The following PEAK1 variants were observed in gnomAD, a reference collection of about 807,000 sequenced individuals.
PEAK1 encodes the protein pseudopodium enriched atypical kinase 1.
PEAK1 carries 54 observed loss-of-function variants against 124.7 expected under a neutral mutation model. The observed-to-expected ratio is 0.43, with a 90% CI of 0.35 to 0.54. The LOEUF is 0.54. PEAK1 is among the 20% of genes least tolerant of loss of function. The pLI is 0.01. For missense variants in PEAK1, 2,046 were observed against 2,134.5 expected (o/e 0.96, Z 0.82); for synonymous variants, 719 against 760.0 (o/e 0.95, Z 0.89).
intron 5 of PEAK1, among the ~76,000 whole-genome samples, chr15:77,256,127 G>T (rs1031476479): frequency 3.9e-5 from 6 of 152,046 alleles, no homozygotes; most frequent in African/African-American, 1.4e-4. Flanking sequence ...TCAGGATAAA[G>T]AACTATGTAC....
intron 2 of PEAK1, among the ~76,000 whole-genome samples, chr15:77,314,274 G>GA (rs1163459111): frequency 2.0e-5 from 3 of 150,354 alleles, no homozygotes; most frequent in African/African-American, 7.3e-5. Flanking sequence ...CTGTTCCAAT[G>GA]AAAAAAGTAA....
At chr15:77,260,849 T>C (rs2061403350) in intron 5 of PEAK1, among the ~76,000 whole-genome samples, 1 of 152,148 alleles carries the variant, frequency 6.6e-6, no homozygotes, top group South Asian at 2.1e-4. Context: ...GACGCCCAAG[T>C]AGCCTAACTG....
chr15:77,216,119 T>C (rs1036220319), intron 6 of PEAK1, among the ~76,000 whole-genome samples: 4 of 152,190 alleles, frequency 2.6e-5, no homozygotes, highest in African/African-American at 7.2e-5. Context: ...AGTAAATTTA[T>C]GTCTATTTGA....
At chr15:77,320,265 T>A (rs1289022038) in intron 2 of PEAK1, among the ~76,000 whole-genome samples, 2 of 152,110 alleles carry the variant, frequency 1.3e-5, no homozygotes, top group East Asian at 3.8e-4. Context: ...AATTCAATAA[T>A]AAAATGTCTA....
At chr15:77,296,037 G>T (rs2063469080) in intron 2 of PEAK1, among the ~76,000 whole-genome samples, 1 of 152,182 alleles carries the variant, frequency 6.6e-6, no homozygotes, top group South Asian at 2.1e-4. Flanking sequence ...TAACTTTGTA[G>T]ATGGAAAAGG....
rs180870813 is a variant in PEAK1, at chr15:77,219,847, A to G, written c.-115+32520T>C. 2.6e-5 allele frequency among the ~76,000 whole-genome samples: 4 copies of G among 152,282 alleles called. No individual in the cohort carries two copies. The East Asian group carries it at 7.7e-4, about 29-fold the overall frequency. On this transcript the variant is annotated intron_variant, in intron 6 of 9. Transcript: ENST00000682557. ...ACACTTTTTAACTAATTGAGACTCTAAATTCATTGGTTCTACTATAATTTT... is the reference window on the plus strand; with the variant it reads ...ACACTTTTTAACTAATTGAGACTCTGAATTCATTGGTTCTACTATAATTTT...
intron 1 of PEAK1, among the ~76,000 whole-genome samples, chr15:77,375,524 T>C (rs2068938303): frequency 6.6e-6 from 1 of 152,324 alleles, no homozygotes; most frequent in Non-Finnish European, 1.5e-5. Context: ...GAAAACAATA[T>C]AATTTAGTAA....
chr15:77,223,695 C>G (rs2059495683), intron 6 of PEAK1, among the ~76,000 whole-genome samples: 1 of 151,956 alleles, frequency 6.6e-6, no homozygotes, highest in Non-Finnish European at 1.5e-5. Flanking sequence ...AGAGAGAATA[C>G]TTAATTAAAT....
intron 1 of PEAK1, among the ~76,000 whole-genome samples, chr15:77,419,764 G>T (rs1312358661): frequency 6.7e-6 from 1 of 149,056 alleles, no homozygotes; most frequent in African/African-American, 2.4e-5. Flanking sequence ...GCGGCAGGGG[G>T]CGCGCGGCAC....
intron 1 of PEAK1, chr15:77,417,241 A>G: frequency 3.4e-6 from 2 of 594,842 alleles, no homozygotes; most frequent in Non-Finnish European, 4.2e-6. Flanking sequence ...GGAATCTCAT[A>G]TTCTATAATA....
chr15:77,326,546 C>G (rs2065587793), intron 2 of PEAK1, among the ~76,000 whole-genome samples: 1 of 152,118 alleles, frequency 6.6e-6, no homozygotes, highest in African/African-American at 2.4e-5. Flanking sequence ...TCTGCACTTT[C>G]CATCTGATGA....
rs116324212 is a variant in PEAK1 at position 77,159,915 on chromosome 15, C to T, written c.3138-1219G>A. ...GCTGGATATACAACTTCAAAAATAT[C>T]CTTTCAAAGTTGGCAGAGCCAGAGG... On this transcript the variant is annotated intron_variant, in intron 7 of 9. Coordinates refer to ENST00000682557, the MANE Select transcript of PEAK1 (RefSeq NM_001385026.1). 4.7e-3 allele frequency among the ~76,000 whole-genome samples: 712 copies of T among 152,252 alleles called. 4 individuals carry two copies. The highest frequency in any genetic ancestry group is 0.016 in the African/African-American group (660 of 41,538).
intron 1 of PEAK1, chr15:77,419,390 A>G: frequency 1.0e-6 from 1 of 985,326 alleles, no homozygotes; most frequent in South Asian, 4.7e-5. Flanking sequence ...CAAAGGGCAG[A>G]AAAGAAAAAA....
At chr15:77,295,909 T>C (rs1490542887) in intron 2 of PEAK1, among the ~76,000 whole-genome samples, 1 of 152,206 alleles carries the variant, frequency 6.6e-6, no homozygotes, top group East Asian at 1.9e-4. Context: ...GAATATTTCT[T>C]CTACAAAGAA....
intron 2 of PEAK1, among the ~76,000 whole-genome samples, chr15:77,344,453 T>A (rs2141368674): frequency 6.6e-6 from 1 of 152,328 alleles, no homozygotes; most frequent in Middle Eastern, 3.4e-3. Context: ...TCACACTACT[T>A]TGATAACCAT....
intron 5 of PEAK1, among the ~76,000 whole-genome samples, chr15:77,252,787 T>C (rs2060939167): frequency 6.6e-6 from 1 of 152,168 alleles, no homozygotes; most frequent in South Asian, 2.1e-4. Flanking sequence ...TAAGTCTTCA[T>C]TTGATTGTTT....
At position 77,133,125 on chromosome 15, in the gene PEAK1, A is replaced by G. The variant is rs766012541; in HGVS notation, c.3957T>C (p.Phe1319=). 1 of 1,614,080 alleles carries G rather than the reference A, an allele frequency of 6.2e-7. No individual in the cohort carries two copies. The highest frequency in any genetic ancestry group is 1.3e-5 in the African/African-American group (1 of 74,932). ...TGAAGTCTGACCAGCTGTCCACTCC[A>G]AAACGGAGCTGGTCTTTCTGCCCAG... ...FMAGQKDQLR[F]GVDSWSDFRL... is the part of the protein sequence containing the mutation. The change falls in exon 9 of 10, where the codon TTT becomes TTC. Residue 1319 remains phenylalanine, a synonymous_variant. Coordinates refer to ENST00000682557, the MANE Select transcript of PEAK1 (RefSeq NM_001385026.1). The surrounding 1 kb of genome is among the most constrained non-coding windows in gnomAD (Gnocchi z 4.2).
At chr15:77,291,746 G>C (rs2063221774) in intron 2 of PEAK1, among the ~76,000 whole-genome samples, 1 of 152,068 alleles carries the variant, frequency 6.6e-6, no homozygotes, top group African/African-American at 2.4e-5. Context: ...GGGAGGCCGA[G>C]GCAAGTGGAC....
chr15:77,158,337 A>G, intron 8 of PEAK1, 166 bp downstream of exon 8: 1 of 637,004 alleles, frequency 1.6e-6, no homozygotes. Flanking sequence ...ATACATGCCT[A>G]GTAAACATCA....
Sources: allele counts gnomAD v4.1 joint callset (sites outside exome capture counted in the v4.1 genomes callset), GRCh38; gene constraint gnomAD v4.1.1; non-coding constraint Gnocchi (gnomAD v3.1); transcripts MANE v1.5; gene names NCBI Gene and HGNC (gene_info 2026-07-23, HGNC 2026-07-21).